RERE: variants seen among roughly 807,000 people sequenced by gnomAD.
RERE encodes the protein arginine-glutamic acid dipeptide repeats, also known as arginine-glutamic acid dipeptide repeats protein.
Under a neutral mutation model 146.1 loss-of-function variants are expected in RERE, and 40 were observed. The observed-to-expected ratio is 0.27, with a 90% CI of 0.21 to 0.36. The LOEUF (loss-of-function observed/expected upper bound fraction) is 0.36, where lower values mean the gene tolerates loss of function less well. Among genes scored for constraint, RERE ranks in the 10% least tolerant of loss-of-function variants. RERE has a pLI of 1.00. For missense variants in RERE, 1,933 were observed against 2,138.7 expected, an observed-to-expected ratio of 0.90 and a Z score of 1.90; for synonymous variants, 1,003 against 866.0, an observed-to-expected ratio of 1.16 and a Z score of -2.78.
At chr1:8,629,078 G>A (rs1220703202) in intron 2 of RERE, among the ~76,000 whole-genome samples, 1 of 152,106 alleles carries the variant, frequency 6.6e-6, no homozygotes, top group African/African-American at 2.4e-5. Flanking sequence ...GTTTTGGCAG[G>A]GCAAGTATAT....
At chr1:8,636,133 C>T (rs1221045865) in intron 2 of RERE, among the ~76,000 whole-genome samples, 2 of 152,186 alleles carry the variant, frequency 1.3e-5, no homozygotes, top group East Asian at 3.8e-4. Context: ...GGAATGCAGG[C>T]ATGCACCACA....
Position 8,498,726 on chromosome 1 carries a change from A to T in RERE, c.880-1197T>A, listed in dbSNP as rs865801955. Among the ~76,000 whole-genome samples, 17 of 15,336 alleles carry T rather than the reference A, an allele frequency of 1.1e-3. 1 individual carries two copies. Among genetic ancestry groups the T allele is most frequent in the African/African-American group, 3.0e-3 (12 of 4,044 alleles). The allele number at this position is 15,336 out of a possible 152,430, so 10.1% of individuals were successfully genotyped here. ...AAAAAAAAATAAAAAAAAAAAAATA[A>T]ATATATACACACACACACACACACA... is the stretch of plus-strand genomic sequence containing the variant. On this transcript the variant is annotated intron_variant, in intron 8 of 22. Transcript: ENST00000400908.
At chr1:8,753,805 G>T (rs189005147) in intron 1 of RERE, 1 of 152,224 alleles carries the variant, frequency 6.6e-6, no homozygotes, top group East Asian at 1.9e-4. Context: ...AGTATGTAAA[G>T]GACACACATT....
Position 8,356,537 on chromosome 1 carries a change from G to A in RERE, c.4340-291C>T, listed in dbSNP as rs908878130. ...CCCAGGCCAGTTTTGTCGAGGACCC[G>A]GGATCAGCAGGGTCCCTCTCGCCGG... On this transcript the variant is annotated intron_variant, in intron 20 of 22. Coordinates refer to ENST00000400908, the MANE Select transcript of RERE (RefSeq NM_001042681.2). The surrounding 1 kb of genome is among the most constrained non-coding windows in gnomAD (Gnocchi z 5.2). Among the ~76,000 whole-genome samples, 6 of 152,194 alleles carry A rather than the reference G, an allele frequency of 3.9e-5. No individual in the cohort carries two copies. Among genetic ancestry groups the A allele is most frequent in the Non-Finnish European group, 8.8e-5 (6 of 68,030 alleles).
chr1:8,414,054 T>TG (rs1348898355), intron 12 of RERE, among the ~76,000 whole-genome samples: 5 of 26,180 alleles, frequency 1.9e-4, no homozygotes, highest in African/African-American at 6.0e-4. Context: ...AAACTCCATC[T>TG]CAAAAAAAAA....
At chr1:8,720,762 A>T (rs1639848865) in intron 1 of RERE, among the ~76,000 whole-genome samples, 1 of 152,198 alleles carries the variant, frequency 6.6e-6, no homozygotes, top group African/African-American at 2.4e-5. Context: ...GCTCCATTAA[A>T]ATTAAAAATC....
chr1:8,490,681 A>G (rs2124217114), intron 10 of RERE, among the ~76,000 whole-genome samples: 1 of 150,662 alleles, frequency 6.6e-6, no homozygotes, highest in Non-Finnish European at 1.5e-5. Flanking sequence ...CAAAGAAGTC[A>G]CACAATATGA....
intron 1 of RERE, among the ~76,000 whole-genome samples, chr1:8,676,832 C>T (rs1391918232): frequency 3.3e-5 from 5 of 152,338 alleles, no homozygotes; most frequent in East Asian, 3.9e-4. Context: ...CCATTCAAAG[C>T]GCCCTCATTT....
intron 1 of RERE, among the ~76,000 whole-genome samples, chr1:8,731,593 A>T (rs1174605885): frequency 9.8e-6 from 1 of 102,076 alleles, no homozygotes; most frequent in Non-Finnish European, 2.5e-5. Context: ...GCTCCAGTAT[A>T]AAAAAAAAAA....
chr1:8,668,924 CTGTGTGTGTG>C lies in RERE; in HGVS notation c.-144-12493_-144-12484del, dbSNP rs58718828. On this transcript the variant is annotated intron_variant, in intron 1 of 22. Coordinates refer to ENST00000400908, the MANE Select transcript of RERE (RefSeq NM_001042681.2). ...TGAATATTCTAAAATGCACTAAACT[CTGTGTGTGTG>C]TGTGTGTGTGTGTGTGTGTGTGTGT... Among the ~76,000 whole-genome samples the C allele has an allele frequency of 8.3e-3, 694 of 83,540 alleles. 55 individuals carry two copies. The highest frequency in any genetic ancestry group is 0.028 in the African/African-American group (660 of 23,514). 54.8% of individuals were successfully genotyped at this position (83,540 alleles called of 152,430 possible).
At chr1:8,618,516 C>CCG (rs1281240444) in intron 3 of RERE, among the ~76,000 whole-genome samples, 1 of 152,102 alleles carries the variant, frequency 6.6e-6, no homozygotes, top group East Asian at 1.9e-4. Flanking sequence ...TGCCCACCCC[C>CCG]CAACCAAAAA....
At chr1:8,501,934 GT>G (rs1296803717) in intron 8 of RERE, among the ~76,000 whole-genome samples, 26 of 67,572 alleles carry the variant, frequency 3.8e-4, no homozygotes, top group South Asian at 5.3e-4. Flanking sequence ...CGGGAGGGAG[GT>G]GGGGGGGATC....
chr1:8,573,054 T>G (rs904078285), intron 4 of RERE, among the ~76,000 whole-genome samples: 1 of 152,210 alleles, frequency 6.6e-6, no homozygotes, highest in African/African-American at 2.4e-5. Context: ...CTAAATGTCT[T>G]GCTTGCTTGC....
chr1:8,764,702 A>G (rs1267095070), intron 1 of RERE, among the ~76,000 whole-genome samples: 1 of 152,180 alleles, frequency 6.6e-6, no homozygotes, highest in East Asian at 1.9e-4. Flanking sequence ...CCAGATTTCT[A>G]TTTTTAAAAG....
chr1:8,386,282 A>G (rs1231971340), intron 12 of RERE, among the ~76,000 whole-genome samples: 15 of 151,614 alleles, frequency 9.9e-5, no homozygotes, highest in South Asian at 4.2e-4. Flanking sequence ...TTGCTCCTAT[A>G]TAAATCATAA....
At chr1:8,735,780 C>T (rs542660630) in intron 1 of RERE, among the ~76,000 whole-genome samples, 1 of 152,258 alleles carries the variant, frequency 6.6e-6, no homozygotes, top group East Asian at 1.9e-4. Context: ...CCTCCTACTC[C>T]AGCCATGTGA....
intron 1 of RERE, among the ~76,000 whole-genome samples, chr1:8,758,097 T>C (rs1041613724): frequency 1.3e-5 from 2 of 152,122 alleles, no homozygotes; most frequent in Non-Finnish European, 2.9e-5. Flanking sequence ...TTCAATTTTT[T>C]TTTTTTTAGA....
chr1:8,478,681 C>G (rs1357401202), intron 10 of RERE, among the ~76,000 whole-genome samples: 1 of 152,204 alleles, frequency 6.6e-6, no homozygotes, highest in African/African-American at 2.4e-5. Context: ...GAAGCTAAAA[C>G]AGACACCAGA....
chr1:8,736,134 G>C (rs1199952700), intron 1 of RERE, among the ~76,000 whole-genome samples: 2 of 152,180 alleles, frequency 1.3e-5, no homozygotes, highest in Admixed American at 6.5e-5. Flanking sequence ...AACGGTGAGT[G>C]CAGGGGTGCT....
Sources: allele counts gnomAD v4.1 joint callset (sites outside exome capture counted in the v4.1 genomes callset), GRCh38; gene constraint gnomAD v4.1.1; non-coding constraint Gnocchi (gnomAD v3.1); transcripts MANE v1.5; gene names NCBI Gene and HGNC (gene_info 2026-07-23, HGNC 2026-07-21).